The following SPATA17 variants were observed in gnomAD, a reference collection of about 807,000 sequenced individuals.
The protein encoded by SPATA17 is spermatogenesis associated 17.
SPATA17 carries 53 observed loss-of-function variants against 62.2 expected under a neutral mutation model. The ratio of observed to expected loss-of-function variants is 0.85; its 90% CI spans 0.68 to 1.07. SPATA17 has a LOEUF of 1.07. SPATA17 is among the 50% of genes least tolerant of loss of function. The pLI, the probability that SPATA17 is intolerant of heterozygous loss-of-function variation, is 0.00. For missense variants in SPATA17, 466 were observed against 425.5 expected (o/e 1.10, Z -0.84); for synonymous variants, 146 against 146.8 (o/e 0.99, Z 0.04).
At chr1:217,855,899 G>A (rs927230206) in intron 9 of SPATA17, among the ~76,000 whole-genome samples, 6 of 151,666 alleles carry the variant, frequency 4.0e-5, no homozygotes, top group Admixed American at 1.3e-4. Flanking sequence ...GCTAATTTTT[G>A]TATTTTTAGT....
At position 217,836,580 on chromosome 1, in the gene SPATA17, T is replaced by C. The variant is rs1675264551; in HGVS notation, c.1006-26194T>C. ...ACTATGTCCACTGTACTCTTCCAAG[T>C]GACAAATCAACTCTAGCATTTATTT... is the stretch of plus-strand genomic sequence containing the variant. On this transcript the variant is annotated intron_variant, in intron 9 of 10. Transcript: ENST00000366933. 5.3e-5 allele frequency among the ~76,000 whole-genome samples: 8 copies of C among 152,194 alleles called. No homozygotes were observed. The South Asian group carries it at 1.4e-3, about 28-fold the overall frequency.
chr1:217,648,048 T>C (rs900952282), intron 1 of SPATA17, among the ~76,000 whole-genome samples: 1 of 152,086 alleles, frequency 6.6e-6, no homozygotes, highest in African/African-American at 2.4e-5. Context: ...TGTAGTTTGT[T>C]ACATGCAGTA....
rs1429733844 is a variant in SPATA17 at position 217,868,751 on chromosome 1, C to T, written c.*1732C>T. On this transcript the variant is annotated 3_prime_UTR_variant, in exon 11 of 11. Coordinates refer to ENST00000366933, the MANE Select transcript of SPATA17 (RefSeq NM_138796.4). ...TTGGAGTGCAGTGGCATGAACTCAG[C>T]TCACTGCAACCTTCACCTCCCAGGC... The T allele has an allele frequency of 6.8e-6, 1 of 147,324 alleles. No individual in the cohort carries two copies. The highest frequency in any genetic ancestry group is 1.5e-5 in the Non-Finnish European group (1 of 67,410). The allele number at this position is 147,324 out of a possible 1,614,324, so 9.1% of individuals were successfully genotyped here.
At chr1:217,800,870 T>A (rs1674292078) in intron 8 of SPATA17, among the ~76,000 whole-genome samples, 1 of 152,220 alleles carries the variant, frequency 6.6e-6, no homozygotes, top group African/African-American at 2.4e-5. Flanking sequence ...TTACTCTTAT[T>A]TCAGTGTGTT....
chr1:217,842,719 G>A (rs940943952), intron 9 of SPATA17, among the ~76,000 whole-genome samples: 1 of 151,462 alleles, frequency 6.6e-6, no homozygotes, highest in African/African-American at 2.4e-5. Context: ...CTGAATTTTC[G>A]CTTTGTTAGT....
At chr1:217,648,354 C>T (rs917336482) in intron 1 of SPATA17, among the ~76,000 whole-genome samples, 1 of 152,146 alleles carries the variant, frequency 6.6e-6, no homozygotes, top group African/African-American at 2.4e-5. Context: ...TCTATATAAA[C>T]CCTATGGCCC....
At chr1:217,654,252 C>G (rs530683027) in intron 3 of SPATA17, among the ~76,000 whole-genome samples, 57 of 151,892 alleles carry the variant, frequency 3.8e-4, no homozygotes, top group African/African-American at 1.4e-3. Context: ...ATTCTCCTGC[C>G]TCAACTTCCC....
intron 6 of SPATA17, among the ~76,000 whole-genome samples, chr1:217,752,033 A>G (rs190240340): frequency 2.2e-4 from 34 of 152,274 alleles, no homozygotes; most frequent in Non-Finnish European, 4.1e-4. Flanking sequence ...AAAGAGGATA[A>G]GTTCATTATT....
intron 9 of SPATA17, among the ~76,000 whole-genome samples, chr1:217,827,495 A>G (rs547714333): frequency 4.7e-4 from 72 of 152,224 alleles, no homozygotes; most frequent in African/African-American, 1.6e-3. Context: ...AGAACCGGAA[A>G]CACATCCAGG....
At chr1:217,682,911 G>A (rs1249816625) in intron 4 of SPATA17, among the ~76,000 whole-genome samples, 3 of 151,742 alleles carry the variant, frequency 2.0e-5, no homozygotes, top group Admixed American at 6.6e-5. Context: ...ACCTTAAAGT[G>A]AGTTGGCTAT....
At chr1:217,759,884 C>A (rs945802548) in intron 6 of SPATA17, among the ~76,000 whole-genome samples, 3 of 152,138 alleles carry the variant, frequency 2.0e-5, no homozygotes, top group Non-Finnish European at 2.9e-5. Context: ...CTTGATCCAA[C>A]CATCTTCTGC....
At chr1:217,797,876 G>A (rs1450431305) in intron 8 of SPATA17, among the ~76,000 whole-genome samples, 1 of 152,036 alleles carries the variant, frequency 6.6e-6, no homozygotes, top group African/African-American at 2.4e-5. Flanking sequence ...ACATTACTAA[G>A]CTCTTACTCC....
At chr1:217,640,318 A>G (rs1670031690) in intron 1 of SPATA17, among the ~76,000 whole-genome samples, 1 of 152,176 alleles carries the variant, frequency 6.6e-6, no homozygotes, top group African/African-American at 2.4e-5. Flanking sequence ...TACTGACAGC[A>G]TAATTATATG....
intron 1 of SPATA17, among the ~76,000 whole-genome samples, chr1:217,636,214 G>T (rs1669937435): frequency 6.7e-6 from 1 of 149,158 alleles, no homozygotes; most frequent in South Asian, 2.1e-4. Context: ...AAATAAAAAA[G>T]TAACCTTTGA....
chr1:217,669,353 T>C (rs1670782888), intron 4 of SPATA17, among the ~76,000 whole-genome samples: 1 of 152,154 alleles, frequency 6.6e-6, no homozygotes, highest in Admixed American at 6.5e-5. Context: ...TAAATATTAA[T>C]GAAGCAATGT....
At chr1:217,676,662 C>T (rs1264066707) in intron 4 of SPATA17, among the ~76,000 whole-genome samples, 1 of 152,076 alleles carries the variant, frequency 6.6e-6, no homozygotes, top group Admixed American at 6.6e-5. Context: ...CTTTGAAAAG[C>T]CTCCTTTGTA....
At chr1:217,762,946 C>A (rs1673208259) in intron 6 of SPATA17, among the ~76,000 whole-genome samples, 1 of 152,014 alleles carries the variant, frequency 6.6e-6, no homozygotes, top group African/African-American at 2.4e-5. Flanking sequence ...AGAGTGAGAC[C>A]CTGTCTCAAA....
intron 2 of SPATA17, among the ~76,000 whole-genome samples, chr1:217,649,859 C>A (rs1176669156): frequency 6.6e-6 from 1 of 151,076 alleles, no homozygotes; most frequent in African/African-American, 2.4e-5. Context: ...CTGGAATTAT[C>A]CTATATAAAA....
intron 9 of SPATA17, among the ~76,000 whole-genome samples, chr1:217,834,389 T>C (rs1675213628): frequency 6.6e-6 from 1 of 152,118 alleles, no homozygotes; most frequent in African/African-American, 2.4e-5. Context: ...CCAGAAGGCA[T>C]TATTATCTTA....
Sources: gnomAD v4.1 joint callset for allele counts (sites outside exome capture counted in the v4.1 genomes callset) on GRCh38, gnomAD v4.1.1 for gene constraint, MANE v1.5 for transcripts, NCBI Gene and HGNC (gene_info 2026-07-23, HGNC 2026-07-21) for gene names.